The following NAA15 variants were observed in gnomAD, a reference collection of about 807,000 sequenced individuals.
The protein encoded by NAA15 is N-alpha-acetyltransferase 15, NatA auxiliary subunit.
A neutral mutation model predicts 114.0 loss-of-function variants in NAA15; 34 were observed. The ratio of observed to expected loss-of-function variants is 0.30; its 90% CI spans 0.23 to 0.40. The LOEUF is 0.40. Among genes scored for constraint, NAA15 ranks in the 10% least tolerant of loss-of-function variants. NAA15 has a pLI of 1.00. For missense variants in NAA15, 658 were observed against 1,004.5 expected (o/e 0.66, Z 4.66); for synonymous variants, 340 against 338.0 (o/e 1.01, Z -0.06).
At chr4:139,331,708 G>A (rs971123325) in intron 1 of NAA15, among the ~76,000 whole-genome samples, 4 of 148,012 alleles carry the variant, frequency 2.7e-5, no homozygotes, top group Non-Finnish European at 5.9e-5. Context: ...TAAGTGATCC[G>A]CTCACCTCAG....
chr4:139,304,676 A>G (rs1254365522), intron 1 of NAA15, among the ~76,000 whole-genome samples: 5 of 152,196 alleles, frequency 3.3e-5, no homozygotes, highest in South Asian at 2.1e-4. Flanking sequence ...GTTTTTACCT[A>G]TGGATGCAGA....
intron 17 of NAA15, among the ~76,000 whole-genome samples, chr4:139,380,984 T>G (rs1748736583): frequency 1.3e-5 from 2 of 152,216 alleles, no homozygotes. Context: ...TTGTAACTGC[T>G]TCTTTACAAA....
intron 16 of NAA15, 135 bp from the exon 17 acceptor site, chr4:139,378,621 G>A (rs990177487): frequency 1.2e-5 from 5 of 427,618 alleles, no homozygotes; most frequent in African/African-American, 2.1e-5. Context: ...GAGGAAAATC[G>A]TTTGCCTCAA....
intron 18 of NAA15, 44 bp downstream of exon 18, chr4:139,385,022 T>G (rs1748855905): frequency 1.4e-6 from 2 of 1,394,922 alleles, no homozygotes; most frequent in Non-Finnish European, 1.9e-6. Context: ...ACAACTTCAG[T>G]AATTTTAATG....
At chr4:139,333,514 C>CT (rs1267828065) in intron 1 of NAA15, among the ~76,000 whole-genome samples, 1 of 151,780 alleles carries the variant, frequency 6.6e-6, no homozygotes, top group Admixed American at 6.6e-5. Context: ...TTTGCATGGA[C>CT]TTTTTTTGGC....
intron 1 of NAA15, among the ~76,000 whole-genome samples, chr4:139,328,883 C>T (rs1256565778): frequency 8.4e-5 from 11 of 130,330 alleles, no homozygotes; most frequent in African/African-American, 2.6e-4. Flanking sequence ...TTTTTTTCCT[C>T]AGACAGAGTC....
chr4:139,342,669 C>T (rs187908857), intron 4 of NAA15, among the ~76,000 whole-genome samples, 157 bp from the exon 5 acceptor site: 3 of 151,970 alleles, frequency 2.0e-5, no homozygotes, highest in Admixed American at 1.3e-4. Context: ...AGGATGGTCT[C>T]GATCTCTTGA....
chr4:139,341,475 GT>G (rs1747386312), intron 4 of NAA15, among the ~76,000 whole-genome samples: 1 of 149,622 alleles, frequency 6.7e-6, no homozygotes, highest in Non-Finnish European at 1.5e-5. Flanking sequence ...GGTGCCTGTA[GT>G]CTAGCTACTC....
At chr4:139,360,414 G>A in intron 12 of NAA15, 86 bp from the exon 13 acceptor site, 3 of 1,300,552 alleles carry the variant, frequency 2.3e-6, no homozygotes, top group Non-Finnish European at 3.1e-6. Context: ...GTCCCAATCA[G>A]CTTAACATCT....
chr4:139,339,781 A>C (rs964373086), intron 3 of NAA15, among the ~76,000 whole-genome samples: 2 of 151,904 alleles, frequency 1.3e-5, no homozygotes, highest in African/African-American at 2.4e-5. Context: ...ACAACAACAA[A>C]AAACAACAAA....
intron 14 of NAA15, 32 bp downstream of exon 14, chr4:139,361,969 ATGTGTTTATG>A (rs1295366917): frequency 3.4e-6 from 5 of 1,454,996 alleles, no homozygotes; most frequent in Non-Finnish European, 4.8e-6. Context: ...TTGTGCTCTG[ATGTGTTTATG>A]TGTATTTATG....
intron 1 of NAA15, among the ~76,000 whole-genome samples, chr4:139,325,100 T>G (rs1456350467): frequency 7.0e-6 from 1 of 143,826 alleles, no homozygotes; most frequent in Non-Finnish European, 1.5e-5. Flanking sequence ...TGTAAACATA[T>G]CTCATTCAAG....
intron 19 of NAA15, chr4:139,386,449 A>G (rs916681011): frequency 2.5e-5 from 9 of 355,534 alleles, no homozygotes; most frequent in Admixed American, 4.7e-5. Flanking sequence ...ATAAAATCAT[A>G]TACATTCCAT....
rs1560952688 is a variant in NAA15, at chr4:139,314,996, T to TGAGGTGAGG, written c.54+13165_54+13166insGAGGTGAGG. Among the ~76,000 whole-genome samples the TGAGGTGAGG allele has an allele frequency of 5.2e-5, 3 of 57,278 alleles. 1 individual carries two copies. The highest frequency in any genetic ancestry group is 2.6e-4 in the African/African-American group (3 of 11,486). The allele number at this position is 57,278 out of a possible 152,430, so 37.6% of individuals were successfully genotyped here. On this transcript the variant is annotated intron_variant, in intron 1 of 19. Transcript: ENST00000296543. ...CGGCCTAGAGAAGCGTTCAGTTCAG[T>TGAGGTGAGG]TCAGTTTAGTTTAGGTTAGGTTAGG...
At chr4:139,307,890 A>T (rs1307655215) in intron 1 of NAA15, among the ~76,000 whole-genome samples, 1 of 152,048 alleles carries the variant, frequency 6.6e-6, no homozygotes, top group Non-Finnish European at 1.5e-5. Flanking sequence ...GAGGAGGGTG[A>T]GGGAATTGTT....
chr4:139,308,582 C>T (rs1052184343), intron 1 of NAA15, among the ~76,000 whole-genome samples: 64 of 152,302 alleles, frequency 4.2e-4, no homozygotes, highest in African/African-American at 1.4e-3. Flanking sequence ...CCATTCAGCT[C>T]TTAGTAGTTA....
intron 9 of NAA15, among the ~76,000 whole-genome samples, chr4:139,352,567 T>G (rs1203719718): frequency 1.3e-5 from 2 of 152,164 alleles, no homozygotes; most frequent in Admixed American, 1.3e-4. Context: ...TAATGTGCAT[T>G]TATTTGCCGG....
In NAA15 at chr4:139,370,231, C is replaced by T. The variant is rs928071032; in HGVS notation, c.1774C>T (p.Leu592=). The change falls in exon 15 of 20, where the codon CTA becomes TTA. Residue 592 remains leucine, a synonymous_variant. Coordinates refer to ENST00000296543, the MANE Select transcript of NAA15 (RefSeq NM_057175.5). ...ADTANMSDKE[L]KKLRNKQRRA... is the part of the protein sequence containing the mutation. ...TGCAGCAAACATGTCTGACAAAGAG[C>T]TAAAGAAGCTACGTAATAAACAAAG... 6.5e-7 allele frequency: 1 copy of T among 1,540,416 alleles called. No homozygotes were observed. Among genetic ancestry groups the T allele is most frequent in the Non-Finnish European group, 8.7e-7 (1 of 1,150,358 alleles).
chr4:139,306,596 G>GT (rs1746026405), intron 1 of NAA15, among the ~76,000 whole-genome samples: 2 of 150,030 alleles, frequency 1.3e-5, no homozygotes, highest in Non-Finnish European at 3.0e-5. Flanking sequence ...TTTTTGGTCT[G>GT]GTTTTTTTTT....
Sources: allele counts gnomAD v4.1 joint callset (sites outside exome capture counted in the v4.1 genomes callset), GRCh38; gene constraint gnomAD v4.1.1; transcripts MANE v1.5; gene names NCBI Gene and HGNC (gene_info 2026-07-23, HGNC 2026-07-21).